CLN6: variants seen among roughly 807,000 people sequenced by gnomAD.
The protein encoded by CLN6 is CLN6 transmembrane ER protein.
In CLN6, 22 loss-of-function variants were observed where a neutral mutation model predicts 33.3. The observed-to-expected ratio is 0.66, with a 90% CI of 0.47 to 0.94. The LOEUF is 0.94. Ranked by LOEUF, CLN6 falls within the 40% of genes least tolerant of loss-of-function variation. The pLI is 0.00. For synonymous variants in CLN6, 201 were observed against 174.6 expected (o/e 1.15, Z -1.19); for missense variants, 387 against 417.1 (o/e 0.93, Z 0.63).
rs925551589 is a variant in CLN6 at position 68,246,321 on chromosome 15, A to G, written c.179+10369T>C. Among the ~76,000 whole-genome samples the G allele has an allele frequency of 5.9e-5, 9 of 152,180 alleles. No homozygotes were observed. The highest frequency in any genetic ancestry group is 2.2e-4 in the African/African-American group (9 of 41,416). On this transcript the variant is annotated intron_variant, in intron 1 of 6. Coordinates refer to the CLN6 transcript ENST00000538696. The surrounding 1 kb of genome is among the most constrained non-coding windows in gnomAD (Gnocchi z 4.5). ...CAAAATAGACTATATCTTAGGCTAC[A>G]AAACAAGTCTGAACAAATTCAATAA...
At chr15:68,234,719 C>CT (rs1892201937), upstream of CLN6, among the ~76,000 whole-genome samples, 1 of 152,058 alleles carries the variant, frequency 6.6e-6, no homozygotes, top group South Asian at 2.1e-4. This position sits in a 1 kb window ranked among gnomAD's most constrained non-coding sequence, Gnocchi z 4.1. Context: ...TTCTTTCACT[C>CT]TTAACAGTTG....
intron 1 of CLN6, among the ~76,000 whole-genome samples, chr15:68,248,974 AAAC>A (rs1892352423): frequency 1.3e-5 from 2 of 152,312 alleles, no homozygotes; most frequent in Middle Eastern, 3.4e-3. Flanking sequence ...CAACAACAAA[AAAC>A]AACAACAACA....
In CLN6 at chr15:68,257,037, T is replaced by A. The variant is rs1170254658; in HGVS notation, c.-169A>T. ...ACTGACGCAGAGGTCGCAATACCGC[T>A]GGGGGCTGCCTGGTGCCATGCGGTT... On this transcript the variant is annotated 5_prime_UTR_variant, in exon 1 of 7. Transcript: ENST00000538696. 7 of 504,162 alleles carry A rather than the reference T, an allele frequency of 1.4e-5. No individual in the cohort carries two copies. The East Asian group carries it at 2.2e-4, about 16-fold the overall frequency. The allele number at this position is 504,162 out of a possible 1,614,324, so 31.2% of individuals were successfully genotyped here.
chr15:68,234,334 C>T (rs536363963), upstream of CLN6, among the ~76,000 whole-genome samples: 11 of 152,306 alleles, frequency 7.2e-5, no homozygotes, highest in East Asian at 2.1e-3. The surrounding 1 kb of genome is among the most constrained non-coding windows in gnomAD (Gnocchi z 4.1). Flanking sequence ...TCAAAATTCC[C>T]GCGGAGGGAT....
In CLN6 at chr15:68,236,191, A is replaced by C. The variant is rs1326726709; in HGVS notation, c.180-17541T>G. ...AAATGGCACAGCCCCTTTGGAAAATAGTCCAGCAGGTCCTCAAACTGTTAA... is the reference window on the plus strand; with the variant it reads ...AAATGGCACAGCCCCTTTGGAAAATCGTCCAGCAGGTCCTCAAACTGTTAA... On this transcript the variant is annotated intron_variant, in intron 1 of 6. Coordinates refer to the CLN6 transcript ENST00000538696. The surrounding 1 kb of genome is among the most constrained non-coding windows in gnomAD (Gnocchi z 4.5). 1.3e-5 allele frequency among the ~76,000 whole-genome samples: 2 copies of C among 152,248 alleles called. No individual in the cohort carries two copies. The highest frequency in any genetic ancestry group is 2.9e-5 in the Non-Finnish European group (2 of 68,044).
Position 68,209,918 on chromosome 15 carries a change from G to C in CLN6, c.543-159C>G, listed in dbSNP as rs1007222692. 6.6e-5 allele frequency among the ~76,000 whole-genome samples: 10 copies of C among 152,158 alleles called. No individual in the cohort carries two copies. Among genetic ancestry groups the C allele is most frequent in the African/African-American group, 2.4e-4 (10 of 41,422 alleles). On this transcript the variant is annotated intron_variant, in intron 5 of 6. Transcript: ENST00000249806. The surrounding 1 kb of genome is among the most constrained non-coding windows in gnomAD (Gnocchi z 4.9). Reference sequence around the variant, plus strand: ...CTCCTCTCCACCCAACCTTGCCTGTGCTGGGCGTCAAAGGTGGGACAGAAA... The same window carrying C: ...CTCCTCTCCACCCAACCTTGCCTGTCCTGGGCGTCAAAGGTGGGACAGAAA...
intron 1 of CLN6, among the ~76,000 whole-genome samples, chr15:68,255,174 CTT>C (rs1363065943): frequency 6.6e-6 from 1 of 152,212 alleles, no homozygotes; most frequent in Admixed American, 6.5e-5. Flanking sequence ...GATTCCCTGA[CTT>C]TGACACACAA....
chr15:68,225,888 TGA>T (rs2141152734), intron 1 of CLN6, among the ~76,000 whole-genome samples: 1 of 151,004 alleles, frequency 6.6e-6, no homozygotes, highest in Non-Finnish European at 1.5e-5. Flanking sequence ...CAGAATTGCT[TGA>T]ACTCTGGAGG....
Position 68,219,844 on chromosome 15 carries a change from C to T in CLN6, c.84-1194G>A, listed in dbSNP as rs553129294. On this transcript the variant is annotated intron_variant, in intron 1 of 6. Coordinates refer to ENST00000249806, the MANE Select transcript of CLN6 (RefSeq NM_017882.3). The surrounding 1 kb of genome is among the most constrained non-coding windows in gnomAD (Gnocchi z 4.2). ...AAGAGGACTGAGGTGTGGGTTTCAT[C>T]GTCTCGTTTGTGCCAAGAACAGGCG... 1.1e-4 allele frequency among the ~76,000 whole-genome samples: 16 copies of T among 152,302 alleles called. No homozygotes were observed. The South Asian group carries it at 2.3e-3, about 22-fold the overall frequency.
chr15:68,231,230 C>A (rs919695664), upstream of CLN6, among the ~76,000 whole-genome samples: 6 of 152,162 alleles, frequency 3.9e-5, no homozygotes, highest in Admixed American at 6.5e-5. Context: ...CCATCCTGGG[C>A]TCTAGCAGCC....
chr15:68,223,732 TTAG>T (rs547712594), intron 1 of CLN6, among the ~76,000 whole-genome samples: 1 of 151,264 alleles, frequency 6.6e-6, no homozygotes, highest in Non-Finnish European at 1.5e-5. Context: ...CCAGCCTAAC[TTAG>T]TAGGACAGGA....
chr15:68,225,350 T>TA (rs1292366264), intron 1 of CLN6, among the ~76,000 whole-genome samples: 1 of 152,216 alleles, frequency 6.6e-6, no homozygotes, highest in African/African-American at 2.4e-5. Context: ...AATCCACAGA[T>TA]AAAACATGGA....
intron 2 of CLN6, among the ~76,000 whole-genome samples, chr15:68,217,844 C>G (rs986774864): frequency 6.6e-6 from 1 of 151,910 alleles, no homozygotes; most frequent in African/African-American, 2.4e-5. Flanking sequence ...TCACGTTCGT[C>G]TATTTATTAT....
chr15:68,229,574 G>C lies in CLN6; in HGVS notation c.11C>G (p.Thr4Arg). ...CGCTCCCAGGTGCTGCCGCCTCCGC[G>C]TCGCCTCCATGGCTGCCCCGCAGGC... MEA[T>R]RRRQHLGATG... Residue 4 changes from threonine (T) to arginine (R), a missense_variant, in exon 1 of 7, where the codon ACG becomes AGG. By Grantham distance (71) the Thr-to-Arg change is moderately conservative. Coordinates refer to ENST00000249806, the MANE Select transcript of CLN6 (RefSeq NM_017882.3). 1 of 1,466,670 alleles carries C rather than the reference G, an allele frequency of 6.8e-7. No homozygotes were observed. Among genetic ancestry groups the C allele is most frequent in the East Asian group, 3.0e-5 (1 of 33,052 alleles). The allele number at this position is 1,466,670 out of a possible 1,614,324, so 90.9% of individuals were successfully genotyped here. A position where few individuals can be genotyped will look rare whatever the true frequency, so the allele number is the denominator to read the frequency against.
intron 1 of CLN6, among the ~76,000 whole-genome samples, chr15:68,237,428 C>T (rs998161959): frequency 6.6e-6 from 1 of 152,278 alleles, no homozygotes; most frequent in East Asian, 1.9e-4. Flanking sequence ...GTCGGGGCTG[C>T]AGTGAGCCAT....
In CLN6 at chr15:68,207,294, T is replaced by G. The variant is rs139463313; in HGVS notation, c.*846A>C. The stretch of plus-strand genomic sequence containing the variant: ...CTCCAGCCCCCAGGAATGCAGGCGC[T>G]CAAAGCCTGTGGCTAGGCTGCCCGA... On this transcript the variant is annotated 3_prime_UTR_variant, in exon 7 of 7. Coordinates refer to ENST00000249806, the MANE Select transcript of CLN6 (RefSeq NM_017882.3). 2 of 152,758 alleles carry G rather than the reference T, an allele frequency of 1.3e-5. No homozygotes were observed. The highest frequency in any genetic ancestry group is 4.8e-5 in the African/African-American group (2 of 41,572). The allele number at this position is 152,758 out of a possible 1,614,324, so 9.5% of individuals were successfully genotyped here.
rs146281369 is a variant in CLN6 at position 68,220,833 on chromosome 15, G to GT, written c.84-2184dup. Among the ~76,000 whole-genome samples, 816 of 152,146 alleles carry GT rather than the reference G, an allele frequency of 5.4e-3. 17 individuals are homozygous for GT. The East Asian group carries it at 0.079, about 15-fold the overall frequency. The stretch of plus-strand genomic sequence containing the variant: ...TGTGCTCTTAATAGCTTGCTATTCT[G>GT]TTTTTTTGTTTTGTTTTTTGGAGAC... On this transcript the variant is annotated intron_variant, in intron 1 of 6. Transcript: ENST00000249806. This position sits in a 1 kb window ranked among gnomAD's most constrained non-coding sequence, Gnocchi z 4.2.
chr15:68,224,961 T>C (rs2093247920), intron 1 of CLN6, among the ~76,000 whole-genome samples: 1 of 148,776 alleles, frequency 6.7e-6, no homozygotes, highest in Admixed American at 6.7e-5. Flanking sequence ...AGTTGAGGAG[T>C]GCATGCCATA....
Position 68,241,626 on chromosome 15 carries a change from G to A in CLN6, c.179+15064C>T, listed in dbSNP as rs892807715. ...CACTGAGAGACCAAGGAGGGAGGTGGGGATACTATCCCTAGCCCTAGAAAC... is the reference window on the plus strand; with the variant it reads ...CACTGAGAGACCAAGGAGGGAGGTGAGGATACTATCCCTAGCCCTAGAAAC... On this transcript the variant is annotated intron_variant, in intron 1 of 6. Transcript: ENST00000538696. This position sits in a 1 kb window ranked among gnomAD's most constrained non-coding sequence, Gnocchi z 4.2. 6.6e-6 allele frequency among the ~76,000 whole-genome samples: 1 copy of A among 152,164 alleles called. No individual in the cohort carries two copies. The highest frequency in any genetic ancestry group is 6.5e-5 in the Admixed American group (1 of 15,272).
Sources: gnomAD v4.1 joint callset for allele counts (sites outside exome capture counted in the v4.1 genomes callset) on GRCh38, gnomAD v4.1.1 for gene constraint, Gnocchi (gnomAD v3.1) non-coding constraint, MANE v1.5 for transcripts, NCBI Gene and HGNC (gene_info 2026-07-23, HGNC 2026-07-21) for gene names.